The following CFAP43 variants were observed in gnomAD, a reference collection of about 807,000 sequenced individuals.
The protein encoded by CFAP43 is cilia and flagella associated protein 43.
CFAP43 carries 155 observed loss-of-function variants against 218.9 expected under a neutral mutation model. The observed-to-expected ratio is 0.71, with a 90% CI of 0.62 to 0.81. The LOEUF (loss-of-function observed/expected upper bound fraction) is 0.81. Among genes scored for constraint, CFAP43 ranks in the 30% least tolerant of loss-of-function variants. CFAP43 has a pLI of 0.00. For synonymous variants in CFAP43, 645 were observed against 681.3 expected (o/e 0.95, Z 0.83); for missense variants, 1,778 against 1,954.3 (o/e 0.91, Z 1.70).
intron 19 of CFAP43, among the ~76,000 whole-genome samples, chr10:104,175,903 T>TTA (rs1021624373): frequency 2.0e-4 from 30 of 152,324 alleles, no homozygotes; most frequent in African/African-American, 7.0e-4. Flanking sequence ...TCATACATAC[T>TTA]TATATATATA....
chr10:104,165,842 T>A (rs997500736), intron 23 of CFAP43, among the ~76,000 whole-genome samples: 39 of 152,220 alleles, frequency 2.6e-4, no homozygotes, highest in African/African-American at 8.2e-4. Flanking sequence ...GAAATCCTAA[T>A]TGACATTTGG....
chr10:104,143,966 C>T (rs1046545275), intron 31 of CFAP43, among the ~76,000 whole-genome samples: 5 of 152,208 alleles, frequency 3.3e-5, no homozygotes, highest in Non-Finnish European at 7.3e-5. Flanking sequence ...TCACCTCAGC[C>T]TCCCAAAGTG....
At chr10:104,216,468 C>G (rs1240074849) in intron 3 of CFAP43, among the ~76,000 whole-genome samples, 1 of 152,204 alleles carries the variant, frequency 6.6e-6, no homozygotes, top group African/African-American at 2.4e-5. Context: ...AGGCACACCC[C>G]ACCTGTGCCT....
intron 34 of CFAP43, among the ~76,000 whole-genome samples, chr10:104,136,288 A>G (rs928864525): frequency 1.3e-5 from 2 of 150,824 alleles, no homozygotes; most frequent in Non-Finnish European, 3.0e-5. Context: ...AGAAGAAAAG[A>G]AAAGAAGAAA....
At chr10:104,221,795 A>G (rs933776108) in intron 3 of CFAP43, among the ~76,000 whole-genome samples, 1 of 152,284 alleles carries the variant, frequency 6.6e-6, no homozygotes, top group South Asian at 2.1e-4. Context: ...CTTTAAAATG[A>G]GGACCATCAT....
intron 9 of CFAP43, among the ~76,000 whole-genome samples, chr10:104,197,313 G>T (rs1043579343): frequency 6.6e-6 from 1 of 152,000 alleles, no homozygotes; most frequent in East Asian, 1.9e-4. Flanking sequence ...GCAGTTTTAG[G>T]ATTACAGAAA....
intron 3 of CFAP43, among the ~76,000 whole-genome samples, chr10:104,218,046 A>G (rs568391230): frequency 2.0e-5 from 3 of 152,172 alleles, no homozygotes; most frequent in Non-Finnish European, 4.4e-5. Context: ...GTCATTCTTA[A>G]AGAAATGCTT....
At chr10:104,145,683 AT>A in intron 30 of CFAP43, 119 bp from the exon 31 acceptor site, 2 of 566,502 alleles carry the variant, frequency 3.5e-6, no homozygotes, top group Non-Finnish European at 3.1e-6. Flanking sequence ...TGAAACCTTG[AT>A]TTACAAAGTT....
chr10:104,146,113 C>A, intron 30 of CFAP43, 150 bp downstream of exon 30: 2 of 549,912 alleles, frequency 3.6e-6, no homozygotes, highest in Non-Finnish European at 3.2e-6. Flanking sequence ...CAAAAATATA[C>A]AATGGCATAG....
chr10:104,145,766 T>TA (rs1225742149), intron 30 of CFAP43, among the ~76,000 whole-genome samples: 2 of 152,342 alleles, frequency 1.3e-5, no homozygotes, highest in South Asian at 4.1e-4. Flanking sequence ...CTAAGTGTAT[T>TA]AAAAATATTA....
Position 104,185,181 on chromosome 10 carries a change from A to G in CFAP43, c.2011-35T>C, listed in dbSNP as rs368505886. ...TAAGAAATAAACCAGAAAAATTACA[A>G]ATGCAATTCTACCACACGGCTTTTC... On this transcript the variant is annotated intron_variant, in intron 15 of 37. Coordinates refer to ENST00000357060, the MANE Select transcript of CFAP43 (RefSeq NM_025145.7). 82 of 1,611,656 alleles carry G rather than the reference A, an allele frequency of 5.1e-5. No homozygotes were observed. In the African/African-American group the frequency reaches 9.6e-4, roughly 19 times the overall value.
At chr10:104,159,935 A>C (rs1335707143) in intron 27 of CFAP43, among the ~76,000 whole-genome samples, 4 of 152,218 alleles carry the variant, frequency 2.6e-5, no homozygotes, top group African/African-American at 9.6e-5. Context: ...GTGTGAGAGC[A>C]CTTGGCTAGG....
chr10:104,179,159 GAGA>G, intron 18 of CFAP43, 53 bp from the exon 19 acceptor site: 1 of 502,370 alleles, frequency 2.0e-6, no homozygotes, highest in Non-Finnish European at 2.9e-6. Context: ...ATCAGACAGA[GAGA>G]GAGAGAGAGA....
intron 19 of CFAP43, among the ~76,000 whole-genome samples, chr10:104,175,161 G>A (rs1378600469): frequency 1.3e-5 from 2 of 152,092 alleles, no homozygotes; most frequent in African/African-American, 2.4e-5. Context: ...CAGGCCTGGT[G>A]CAGTGGCTCA....
intron 19 of CFAP43, among the ~76,000 whole-genome samples, chr10:104,172,878 A>T (rs929781219): frequency 2.0e-5 from 3 of 152,204 alleles, no homozygotes; most frequent in Non-Finnish European, 2.9e-5. Flanking sequence ...TACTGAAATA[A>T]TTAAAGATGA....
At position 104,225,681 on chromosome 10, in the gene CFAP43, G is replaced by A. The variant is rs115208721; in HGVS notation, c.320-124C>T. On this transcript the variant is annotated intron_variant, in intron 2 of 37. Transcript: ENST00000357060. ...GTAATTCAAAAGCATTTAACTATTA[G>A]AATAAGAAAGATCCTGGCTAATTTC... 2,317 of 749,434 alleles carry A rather than the reference G, an allele frequency of 3.1e-3. 48 individuals are homozygous for A. In the African/African-American group the frequency reaches 0.036, roughly 12 times the overall value. 46.4% of individuals were successfully genotyped at this position (749,434 alleles called of 1,614,324 possible). A position where few individuals can be genotyped will look rare whatever the true frequency, so the allele number is the denominator to read the frequency against.
intron 3 of CFAP43, among the ~76,000 whole-genome samples, chr10:104,221,007 GCT>G (rs1230650870): frequency 7.2e-6 from 1 of 139,722 alleles, no homozygotes. Context: ...ACGGAGTCTC[GCT>G]CTGTCACCCA....
chr10:104,202,166 A>G lies in CFAP43; in HGVS notation c.1095+1506T>C, dbSNP rs374226789. On this transcript the variant is annotated intron_variant, in intron 8 of 37. Transcript: ENST00000357060. ...ACATGCAGCAGGCTAGTTTTGCCCC[A>G]TGGAGCCACAATTTGCTGAACCCTG... is the stretch of plus-strand genomic sequence containing the variant. Among the ~76,000 whole-genome samples, 3 of 152,336 alleles carry G rather than the reference A, an allele frequency of 2.0e-5. No individual in the cohort carries two copies. In the East Asian group the frequency reaches 5.8e-4, roughly 29 times the overall value.
chr10:104,162,381 TTAATGTGTTTGTGGGCTG>T lies in CFAP43; in HGVS notation c.3251_3268del (p.Thr1084_Ile1089del), dbSNP rs1361873947. 1.2e-6 allele frequency: 2 copies of T among 1,613,978 alleles called. No individual in the cohort carries two copies. The highest frequency in any genetic ancestry group is 1.7e-6 in the Non-Finnish European group (2 of 1,179,922). On this transcript the variant is annotated inframe_deletion, in exon 25 of 38. Coordinates refer to ENST00000357060, the MANE Select transcript of CFAP43 (RefSeq NM_025145.7). ...CAATTCTTTGGCTTTGTGCCACGGC[TTAATGTGTTTGTGGGCTG>T]TAATCTGAAAGAGAAAATGTCATTT...
Sources: allele counts gnomAD v4.1 joint callset (sites outside exome capture counted in the v4.1 genomes callset), GRCh38; gene constraint gnomAD v4.1.1; transcripts MANE v1.5; gene names NCBI Gene and HGNC (gene_info 2026-07-23, HGNC 2026-07-21).